Variants in SMCO2 observed in about 807,000 individuals in gnomAD.
SMCO2 encodes the protein single-pass membrane protein with coiled-coil domains 2, also known as single-pass membrane and coiled-coil domain-containing protein 2.
Under a neutral mutation model 29.5 loss-of-function variants are expected in SMCO2, and 25 were observed. The ratio of observed to expected loss-of-function variants is 0.85; its 90% confidence interval spans 0.62 to 1.18. SMCO2 has a LOEUF of 1.18. Among genes scored for constraint, SMCO2 ranks in the 50% most tolerant of loss-of-function variants. The pLI, the probability that SMCO2 is intolerant of heterozygous loss-of-function variation, is 0.00. For missense variants in SMCO2, 348 were observed against 344.5 expected, an observed-to-expected ratio of 1.01 and a Z score of -0.08; for synonymous variants, 117 against 123.3, an observed-to-expected ratio of 0.95 and a Z score of 0.34.
chr12:27,478,690 G>A (rs911716329), intron 4 of SMCO2, among the ~76,000 whole-genome samples: 6 of 152,126 alleles, frequency 3.9e-5, no homozygotes, highest in African/African-American at 1.4e-4. Context: ...AGGAAGGGTG[G>A]GCCTATCACC....
chr12:27,442,236 A>C, the SMCO2 span, among the ~76,000 whole-genome samples: 6 of 152,166 alleles, frequency 3.9e-5, no homozygotes, highest in Non-Finnish European at 5.9e-5. Context: ...AAATTGAGAC[A>C]AAAAAATTAA....
the SMCO2 span, among the ~76,000 whole-genome samples, chr12:27,430,525 T>C: frequency 2.0e-5 from 3 of 152,158 alleles, no homozygotes; most frequent in Non-Finnish European, 4.4e-5. Flanking sequence ...AGAACCAAAC[T>C]TTCAGAAACA....
chr12:27,495,346 G>C (rs1422044671), intron 6 of SMCO2, among the ~76,000 whole-genome samples: 2 of 150,726 alleles, frequency 1.3e-5, no homozygotes, highest in Non-Finnish European at 2.9e-5. Context: ...GAACCTGTTA[G>C]CAGTAATCAC....
At chr12:27,440,757 C>T in the SMCO2 span, among the ~76,000 whole-genome samples, 1 of 147,950 alleles carries the variant, frequency 6.8e-6, no homozygotes, top group Non-Finnish European at 1.5e-5. Flanking sequence ...TTTTTGTAAG[C>T]CTCAAGGTAA....
At chr12:27,444,560 A>ACC in the SMCO2 span, among the ~76,000 whole-genome samples, 1 of 152,170 alleles carries the variant, frequency 6.6e-6, no homozygotes, top group African/African-American at 2.4e-5. Context: ...TGAATAGACA[A>ACC]CCCACAAAAT....
chr12:27,441,078 C>T, the SMCO2 span, among the ~76,000 whole-genome samples: 1 of 151,634 alleles, frequency 6.6e-6, no homozygotes, highest in Non-Finnish European at 1.5e-5. Context: ...GGCAACATGG[C>T]AAAACATGTC....
intron 7 of SMCO2, among the ~76,000 whole-genome samples, chr12:27,501,288 C>A (rs567502138): frequency 1.4e-5 from 2 of 148,102 alleles, no homozygotes; most frequent in African/African-American, 5.1e-5. Context: ...TGGTGGTGGG[C>A]GCCTGTAATC....
chr12:27,479,532 A>C (rs1040504564), intron 4 of SMCO2, among the ~76,000 whole-genome samples: 3 of 152,172 alleles, frequency 2.0e-5, no homozygotes, highest in African/African-American at 7.2e-5. Context: ...TTTATTAGGG[A>C]GAACTGGCTC....
At chr12:27,484,021 C>T (rs1490749948) in intron 4 of SMCO2, among the ~76,000 whole-genome samples, 1 of 152,094 alleles carries the variant, frequency 6.6e-6, no homozygotes, top group Non-Finnish European at 1.5e-5. Flanking sequence ...TTTACTATTA[C>T]CAGTGCTCTT....
the SMCO2 span, among the ~76,000 whole-genome samples, chr12:27,449,362 C>G: frequency 1.3e-5 from 2 of 152,162 alleles, no homozygotes; most frequent in East Asian, 3.8e-4. Context: ...AATCTGTCAC[C>G]TGCTGCATAC....
chr12:27,477,634 C>CTTTT (rs3051833), intron 4 of SMCO2, among the ~76,000 whole-genome samples: 22 of 109,654 alleles, frequency 2.0e-4, no homozygotes, highest in Middle Eastern at 5.4e-3. Context: ...CTTTTTCATT[C>CTTTT]TTTTTTTTTT....
chr12:27,494,902 T>C (rs755133128), intron 6 of SMCO2, among the ~76,000 whole-genome samples: 2 of 152,040 alleles, frequency 1.3e-5, no homozygotes, highest in Non-Finnish European at 2.9e-5. Flanking sequence ...GTGCTACTTC[T>C]ACTTCTCATC....
In SMCO2 at chr12:27,485,839, G is replaced by A. The variant is rs180901547; in HGVS notation, c.363-2621G>A. 2.0e-3 allele frequency among the ~76,000 whole-genome samples: 299 copies of A among 152,200 alleles called. 2 individuals carry two copies. Among genetic ancestry groups the A allele is most frequent in the African/African-American group, 6.8e-3 (282 of 41,520 alleles). On this transcript the variant is annotated intron_variant, in intron 4 of 7. Transcript: ENST00000298876. ...GACATTGTCAATTTTACCTCATTTGGTTTTGAGTATTCTGGAGACATTTGT... is the reference window on the plus strand; with the variant it reads ...GACATTGTCAATTTTACCTCATTTGATTTTGAGTATTCTGGAGACATTTGT...
chr12:27,445,015 A>G, the SMCO2 span, among the ~76,000 whole-genome samples: 1 of 152,218 alleles, frequency 6.6e-6, no homozygotes, highest in Non-Finnish European at 1.5e-5. Flanking sequence ...GCTATAAAAA[A>G]AGAATGAAAT....
At position 27,472,763 on chromosome 12, in the gene SMCO2, G is replaced by T. The variant is rs12809236; in HGVS notation, c.135-13G>T. The T allele has an allele frequency of 3.9e-6, 6 of 1,547,436 alleles. No individual in the cohort carries two copies. Among genetic ancestry groups the T allele is most frequent in the East Asian group, 2.4e-5 (1 of 40,910 alleles). ...CATAATAACAGCCTCTGTTTGGATTGTGTGGCTTGCAGTTTGCTAAAGGAA... is the reference window on the plus strand; with the variant it reads ...CATAATAACAGCCTCTGTTTGGATTTTGTGGCTTGCAGTTTGCTAAAGGAA... On this transcript the variant is annotated splice_polypyrimidine_tract_variant and intron_variant, in intron 2 of 7. Coordinates refer to ENST00000298876, the Ensembl canonical transcript of SMCO2.
chr12:27,441,277 A>G, the SMCO2 span, among the ~76,000 whole-genome samples: 1 of 152,070 alleles, frequency 6.6e-6, no homozygotes, highest in South Asian at 2.1e-4. Context: ...AATAATAAAG[A>G]AGGCATAGAG....
the SMCO2 span, among the ~76,000 whole-genome samples, chr12:27,426,449 C>T: frequency 1.9e-3 from 296 of 152,184 alleles, 1 homozygote; most frequent in South Asian, 0.025. Context: ...CTGAGATGAG[C>T]GGCACACTGA....
chr12:27,446,156 C>T, the SMCO2 span, among the ~76,000 whole-genome samples: 1 of 152,112 alleles, frequency 6.6e-6, no homozygotes. Context: ...CCCACCTCAG[C>T]CTCCCAAAGT....
Position 27,474,816 on chromosome 12 carries a change from C to T in SMCO2, c.265C>T (p.Gln89Ter). The T allele has an allele frequency of 4.5e-6, 7 of 1,551,732 alleles. No individual in the cohort carries two copies. The South Asian group carries it at 7.1e-5, about 16-fold the overall frequency. ...GTTGGAGCTAGAGGCTGAGCATGAC[C>T]AGGACCTGAGTAAACAGGATAAGCA... The change falls in exon 4 of 8, where the codon CAG becomes TAG. Residue 89 changes from glutamine to a stop codon, truncating the protein, a stop_gained. Coordinates refer to ENST00000298876, the Ensembl canonical transcript of SMCO2. LOFTEE classifies it high-confidence loss of function.
Sources: allele counts gnomAD v4.1 joint callset (sites outside exome capture counted in the v4.1 genomes callset), GRCh38; gene constraint gnomAD v4.1.1; transcripts MANE v1.5; gene names NCBI Gene and HGNC (gene_info 2026-07-23, HGNC 2026-07-21).